The following PIBF1 variants were observed in gnomAD, a reference collection of about 807,000 sequenced individuals.
The protein encoded by PIBF1 is progesterone-induced-blocking factor 1.
Under a neutral mutation model 112.5 loss-of-function variants are expected in PIBF1, and 90 were observed. The observed-to-expected ratio is 0.80, with a 90% CI of 0.67 to 0.95. The LOEUF is 0.95. Among genes scored for constraint, PIBF1 ranks in the 40% least tolerant of loss-of-function variants. PIBF1 has a pLI of 0.00. For synonymous variants in PIBF1, 301 were observed against 288.6 expected (o/e 1.04, Z -0.44); for missense variants, 915 against 852.3 (o/e 1.07, Z -0.92).
intron 12 of PIBF1, among the ~76,000 whole-genome samples, chr13:72,913,335 T>C (rs1450013036): frequency 1.3e-5 from 2 of 152,190 alleles, no homozygotes; most frequent in African/African-American, 4.8e-5. Context: ...TGTAAATACA[T>C]ATTGAATTAT....
Position 72,783,466 on chromosome 13 carries a change from A to G in PIBF1, c.-4A>G, listed in dbSNP as rs2034411700. 6.4e-7 allele frequency: 1 copy of G among 1,573,460 alleles called. No homozygotes were observed. Among genetic ancestry groups the G allele is most frequent in the Non-Finnish European group, 8.7e-7 (1 of 1,150,222 alleles). On this transcript the variant is annotated 5_prime_UTR_variant, in exon 2 of 18. It adds an upstream start codon to the 5' untranslated region. Transcript: ENST00000326291. ...GAGAAGAAAACTGATCCATAATAAT[A>G]AAAATGTCTCGAAAAATTTCAAAGG...
At chr13:72,856,170 A>G (rs1178035451) in intron 10 of PIBF1, among the ~76,000 whole-genome samples, 2 of 152,200 alleles carry the variant, frequency 1.3e-5, no homozygotes, top group Non-Finnish European at 2.9e-5. Context: ...AGAGGATTCA[A>G]TTATTTAATG....
intron 14 of PIBF1, among the ~76,000 whole-genome samples, chr13:72,952,001 ATTTCT>A (rs1056566266): frequency 4.8e-5 from 7 of 145,872 alleles, no homozygotes; most frequent in African/African-American, 1.5e-4. Context: ...TCCAGCTTTA[ATTTCT>A]TTTAATTTCT....
At chr13:72,979,805 C>G (rs781007202) in intron 16 of PIBF1, among the ~76,000 whole-genome samples, 7 of 152,060 alleles carry the variant, frequency 4.6e-5, no homozygotes, top group Non-Finnish European at 1.0e-4. Flanking sequence ...GCCTGTAGTT[C>G]CAGCTACTCG....
intron 8 of PIBF1, among the ~76,000 whole-genome samples, chr13:72,831,393 T>C (rs551444034): frequency 6.6e-6 from 1 of 152,338 alleles, no homozygotes; most frequent in East Asian, 1.9e-4. Context: ...ACTTCTCTTG[T>C]GGGCATTTAG....
At chr13:72,961,449 A>G (rs2042605373) in intron 14 of PIBF1, among the ~76,000 whole-genome samples, 1 of 152,164 alleles carries the variant, frequency 6.6e-6, no homozygotes, top group African/African-American at 2.4e-5. Flanking sequence ...TCATGAACAT[A>G]ATTCATTTGA....
intron 10 of PIBF1, among the ~76,000 whole-genome samples, chr13:72,863,710 A>G (rs934505026): frequency 2.6e-5 from 4 of 152,158 alleles, no homozygotes; most frequent in African/African-American, 7.2e-5. Context: ...AAAAAAGACA[A>G]AGTAATACAG....
At chr13:72,998,218 G>A (rs891806509) in intron 16 of PIBF1, among the ~76,000 whole-genome samples, 2 of 152,176 alleles carry the variant, frequency 1.3e-5, no homozygotes, top group African/African-American at 4.8e-5. Context: ...TCTACTCAGC[G>A]AATATATGTG....
chr13:72,842,000 C>T (rs2037631488), intron 9 of PIBF1, among the ~76,000 whole-genome samples: 1 of 152,078 alleles, frequency 6.6e-6, no homozygotes, highest in African/African-American at 2.4e-5. Context: ...GATTATTTAT[C>T]ATTAGAAGAT....
intron 17 of PIBF1, among the ~76,000 whole-genome samples, chr13:73,000,720 A>G (rs752703874): frequency 2.0e-5 from 3 of 152,192 alleles, no homozygotes; most frequent in Admixed American, 6.5e-5. Context: ...AGGCAGTGGC[A>G]CTATTCCTTC....
intron 10 of PIBF1, among the ~76,000 whole-genome samples, chr13:72,881,530 A>T (rs1399375763): frequency 3.3e-5 from 5 of 152,142 alleles, no homozygotes; most frequent in Non-Finnish European, 1.5e-5. Flanking sequence ...AGCCTGGCCA[A>T]CATGGTGAAA....
chr13:72,848,855 C>T lies in PIBF1; in HGVS notation c.1224-5202C>T, dbSNP rs147642574. On this transcript the variant is annotated intron_variant, in intron 9 of 17. Transcript: ENST00000326291. ...TCAAAAAAAAAAAAAAAGAACTTAA[C>T]TCTTTAAGTTTCTCATTTGAATGTT... Among the ~76,000 whole-genome samples the T allele has an allele frequency of 3.0e-3, 457 of 151,510 alleles. 1 individual carries two copies. Among genetic ancestry groups the T allele is most frequent in the African/African-American group, 1.0e-2 (412 of 41,310 alleles).
At chr13:72,942,201 GC>G (rs2042031405) in intron 14 of PIBF1, among the ~76,000 whole-genome samples, 1 of 147,708 alleles carries the variant, frequency 6.8e-6, no homozygotes, top group Non-Finnish European at 1.5e-5. Flanking sequence ...CTACCATGTG[GC>G]CCTAAACAAT....
chr13:72,953,396 C>G (rs1054884899), intron 14 of PIBF1, among the ~76,000 whole-genome samples: 2 of 152,136 alleles, frequency 1.3e-5, no homozygotes, highest in African/African-American at 4.8e-5. Flanking sequence ...GGCCAGACTA[C>G]TGTGAATCCT....
intron 9 of PIBF1, among the ~76,000 whole-genome samples, chr13:72,836,728 A>G (rs2037377996): frequency 1.3e-5 from 2 of 152,106 alleles, no homozygotes; most frequent in South Asian, 4.1e-4. Flanking sequence ...TAGATATACA[A>G]TTTATGATAG....
At chr13:72,825,688 G>A (rs180891248) in intron 6 of PIBF1, among the ~76,000 whole-genome samples, 53 of 151,744 alleles carry the variant, frequency 3.5e-4, no homozygotes, top group South Asian at 2.1e-3. Flanking sequence ...CAAGAGAGAG[G>A]GTTTGAATAA....
chr13:72,997,869 A>G (rs2043731142), intron 16 of PIBF1, among the ~76,000 whole-genome samples: 1 of 18,424 alleles, frequency 5.4e-5, no homozygotes, highest in African/African-American at 1.7e-4. Context: ...TTAGTAATTA[A>G]TCATAAATAC....
chr13:72,799,402 AATAAG>A (rs1193323387), intron 5 of PIBF1, among the ~76,000 whole-genome samples: 4 of 152,214 alleles, frequency 2.6e-5, no homozygotes, highest in Admixed American at 2.6e-4. Flanking sequence ...TTTCAGACAA[AATAAG>A]AAGGCTTAGC....
At chr13:72,790,023 C>T (rs1282814244) in intron 2 of PIBF1, among the ~76,000 whole-genome samples, 1 of 152,154 alleles carries the variant, frequency 6.6e-6, no homozygotes, top group Non-Finnish European at 1.5e-5. Context: ...AGAGGTCCCC[C>T]TTCTTATGGC....
Sources: allele counts gnomAD v4.1 joint callset (sites outside exome capture counted in the v4.1 genomes callset), GRCh38; gene constraint gnomAD v4.1.1; transcripts MANE v1.5; gene names NCBI Gene and HGNC (gene_info 2026-07-23, HGNC 2026-07-21).